ODAD3: variants seen among roughly 807,000 people sequenced by gnomAD.
ODAD3 encodes the protein outer dynein arm docking complex subunit 3, also known as outer dynein arm-docking complex subunit 3.
Under a neutral mutation model 70.9 loss-of-function variants are expected in ODAD3, and 57 were observed. That is an observed-to-expected ratio of 0.80 (90% CI 0.65 to 1.00). ODAD3 has a LOEUF of 1.00. ODAD3 is among the 50% of genes least tolerant of loss of function. The probability of loss-of-function intolerance (pLI) is 0.00; values close to 1 mark genes in which losing one functional copy is unlikely to be tolerated. For synonymous variants in ODAD3, 327 were observed against 315.9 expected (o/e 1.04, Z -0.37); for missense variants, 797 against 763.9 (o/e 1.04, Z -0.51).
chr19:11,429,699 C>A (rs1232601766), intron 3 of ODAD3, among the ~76,000 whole-genome samples: 5 of 152,156 alleles, frequency 3.3e-5, no homozygotes, highest in African/African-American at 1.2e-4. Flanking sequence ...TGAGCCACCG[C>A]GCCCGGCCTT....
At position 11,422,993 on chromosome 19, in the gene ODAD3, T is replaced by A; in HGVS notation, c.1117-132A>T. On this transcript the variant is annotated intron_variant, in intron 8 of 12. Transcript: ENST00000356392. This position sits in a 1 kb window ranked among gnomAD's most constrained non-coding sequence, Gnocchi z 4.6. ...AGCTGGCGCCTTTTGCACAGCAATG[T>A]ATGGGGACACTGTGGGTTGGACGCA... The A allele has an allele frequency of 2.1e-6, 2 of 970,054 alleles. No homozygotes were observed. Among genetic ancestry groups the A allele is most frequent in the South Asian group, 1.6e-5 (1 of 61,112 alleles). 60.1% of individuals were successfully genotyped at this position (970,054 alleles called of 1,614,324 possible).
At position 11,434,832 on chromosome 19, in the gene ODAD3, G is replaced by A. The variant is rs1252474315; in HGVS notation, c.185C>T (p.Ala62Val). ...CTGAGAGTGCACAGAGGGCTTCCCTGCACCTCTGTGGAAGGATCCTCCCTT... is the reference window on the plus strand; with the variant it reads ...CTGAGAGTGCACAGAGGGCTTCCCTACACCTCTGTGGAAGGATCCTCCCTT... Reference protein sequence around the residue: ...RSKGGSFHRGAGKPSVHSQVA... With the variant: ...RSKGGSFHRGVGKPSVHSQVA... Residue 62 changes from alanine to valine, a missense_variant, in exon 1 of 13, where the codon GCA becomes GTA. Physicochemically the swap from Ala to Val is moderately conservative, Grantham distance 64 (BLOSUM62 0). Coordinates refer to ENST00000356392, the MANE Select transcript of ODAD3 (RefSeq NM_145045.5). 6.2e-7 allele frequency: 1 copy of A among 1,614,162 alleles called. No homozygotes were observed. Among genetic ancestry groups the A allele is most frequent in the East Asian group, 2.2e-5 (1 of 44,872 alleles).
rs779680957 is a variant in ODAD3, at chr19:11,422,852, G to T, written c.1126C>A (p.Arg376=). ...GTGTCGCCCTGGGCCAGGAACCGCCGCACCAACGACTGCGGGCCACCCAGC... is the reference window on the plus strand; with the variant it reads ...GTGTCGCCCTGGGCCAGGAACCGCCTCACCAACGACTGCGGGCCACCCAGC... ...TGTDETHSLV[R]RFLAQGDTFA... The change falls in exon 9 of 13, where the codon CGG becomes AGG. Residue 376 remains arginine, a synonymous_variant. Transcript: ENST00000356392. This position sits in a 1 kb window ranked among gnomAD's most constrained non-coding sequence, Gnocchi z 4.6. 7 of 1,603,220 alleles carry T rather than the reference G, an allele frequency of 4.4e-6. No individual in the cohort carries two copies. Among genetic ancestry groups the T allele is most frequent in the African/African-American group, 1.3e-5 (1 of 74,946 alleles).
intron 7 of ODAD3, among the ~76,000 whole-genome samples, chr19:11,425,254 T>C (rs1007468857): frequency 2.8e-5 from 4 of 143,226 alleles, no homozygotes; most frequent in Non-Finnish European, 4.5e-5. Flanking sequence ...TATATATGTA[T>C]ATGTACATAT....
chr19:11,424,981 G>GTA (rs1267472005), intron 7 of ODAD3, among the ~76,000 whole-genome samples: 2 of 123,696 alleles, frequency 1.6e-5, no homozygotes, highest in Admixed American at 7.6e-5. Flanking sequence ...GTATATATGT[G>GTA]TATATGTACA....
At chr19:11,425,862 A>G (rs1969358696) in intron 7 of ODAD3, among the ~76,000 whole-genome samples, 1 of 150,692 alleles carries the variant, frequency 6.6e-6, no homozygotes, top group South Asian at 2.1e-4. Context: ...CAGGCAGTCT[A>G]GTCAGGTGGG....
chr19:11,425,768 C>A (rs1232495873), intron 7 of ODAD3, among the ~76,000 whole-genome samples: 1 of 149,436 alleles, frequency 6.7e-6, no homozygotes, highest in South Asian at 2.1e-4. Context: ...GAGGCAGCCT[C>A]AGGGCAGGTG....
chr19:11,427,050 G>C lies in ODAD3; in HGVS notation c.445-10C>G, dbSNP rs556883242. The C allele has an allele frequency of 6.4e-7, 1 of 1,565,942 alleles. No homozygotes were observed. The highest frequency in any genetic ancestry group is 1.1e-5 in the South Asian group (1 of 87,770). On this transcript the variant is annotated splice_polypyrimidine_tract_variant and intron_variant, in intron 3 of 12. Transcript: ENST00000356392. ...CTAGGTGCTCCAGGGCCTGCCGCAAGGAGGGGAGCGAAAGCAGGAGCCTCA... is the reference window on the plus strand; with the variant it reads ...CTAGGTGCTCCAGGGCCTGCCGCAACGAGGGGAGCGAAAGCAGGAGCCTCA...
intron 7 of ODAD3, among the ~76,000 whole-genome samples, chr19:11,425,703 A>C (rs1251688399): frequency 1.3e-5 from 2 of 150,294 alleles, no homozygotes; most frequent in African/African-American, 4.9e-5. Flanking sequence ...CAACTACAAC[A>C]ACAACAACCC....
At chr19:11,421,945 T>G (rs1969146015) in intron 10 of ODAD3, 113 bp from the exon 11 acceptor site, 1 of 1,208,598 alleles carries the variant, frequency 8.3e-7, no homozygotes, top group African/African-American at 1.5e-5. Context: ...AGGGCCCACC[T>G]GCAGGGTCGA....
upstream of ODAD3, chr19:11,435,296 G>A (rs1358913072): frequency 5.3e-6 from 5 of 945,080 alleles, no homozygotes; most frequent in East Asian, 3.2e-5. Context: ...GTAGAGCCGC[G>A]CCGCAGGACG....
At chr19:11,435,739 CA>C (rs1455335833), upstream of ODAD3, 6 of 1,350,324 alleles carry the variant, frequency 4.4e-6, no homozygotes, top group African/African-American at 8.8e-5. Flanking sequence ...GAGGGCACCT[CA>C]GTTTCTTACA....
intron 11 of ODAD3, 46 bp from the exon 12 acceptor site, chr19:11,421,258 G>A: frequency 6.4e-7 from 1 of 1,559,164 alleles, no homozygotes; most frequent in Non-Finnish European, 8.7e-7. Context: ...CGGGGCCAGG[G>A]GCCACCGAGA....
Position 11,426,259 on chromosome 19 carries a change from A to C in ODAD3, c.848T>G (p.Leu283Arg), listed in dbSNP as rs764598236. 3 of 1,613,788 alleles carry C rather than the reference A, an allele frequency of 1.9e-6. No individual in the cohort carries two copies. ...LNARDIAKNQ[L>R]QYLEETLVRE... ...AACCAAGGTCTCCTCTAGGTACTGC[A>C]GCTGGTTCTGGAGGGCGGGCAGGGT... The change falls in exon 7 of 13, where the codon CTG (leucine) becomes CGG (arginine). Residue 283 changes from leucine (L) to arginine (R), a missense_variant. Physicochemically the swap from Leu to Arg is moderately radical, Grantham distance 102. Transcript: ENST00000356392.
At chr19:11,425,591 A>ATGTGTATATATGTG (rs1163936579) in intron 7 of ODAD3, among the ~76,000 whole-genome samples, 1 of 140,926 alleles carries the variant, frequency 7.1e-6, no homozygotes, top group Non-Finnish European at 1.5e-5. Flanking sequence ...ATGTATGTAT[A>ATGTGTATATATGTG]TGTGTATATA....
rs1433603361 is a variant in ODAD3 at position 11,422,204 on chromosome 19, T to A, written c.1434+267A>T. ...TTTTCGGGGACAGGGTGGGACTTCT[T>A]TCCCTTGGAGGCGGAGCTTGAGACG... On this transcript the variant is annotated intron_variant, in intron 10 of 12. Transcript: ENST00000356392. This position sits in a 1 kb window ranked among gnomAD's most constrained non-coding sequence, Gnocchi z 4.6. Among the ~76,000 whole-genome samples the A allele has an allele frequency of 6.6e-6, 1 of 152,128 alleles. No individual in the cohort carries two copies. The highest frequency in any genetic ancestry group is 2.4e-5 in the African/African-American group (1 of 41,430).
intron 3 of ODAD3, among the ~76,000 whole-genome samples, chr19:11,427,896 C>T (rs1024240878): frequency 4.6e-5 from 7 of 151,786 alleles, no homozygotes; most frequent in South Asian, 2.1e-4. Flanking sequence ...GTCAGGACAT[C>T]GAGACCATCC....
chr19:11,422,389 G>A lies in ODAD3; in HGVS notation c.1434+82C>T. ...CAGGCCACGTTCCCTCGGGCAAGCT[G>A]GTGTGGCAGGAACCCCGCTTCGTGG... On this transcript the variant is annotated intron_variant, in intron 10 of 12. Coordinates refer to ENST00000356392, the MANE Select transcript of ODAD3 (RefSeq NM_145045.5). This position sits in a 1 kb window ranked among gnomAD's most constrained non-coding sequence, Gnocchi z 4.6. The A allele has an allele frequency of 1.4e-6, 2 of 1,438,600 alleles. No homozygotes were observed. The highest frequency in any genetic ancestry group is 1.8e-6 in the Non-Finnish European group (2 of 1,087,042). The allele number at this position is 1,438,600 out of a possible 1,614,324, so 89.1% of individuals were successfully genotyped here. A position where few individuals can be genotyped will look rare whatever the true frequency, so the allele number is the denominator to read the frequency against.
intron 8 of ODAD3, 144 bp from the exon 9 acceptor site, chr19:11,423,005 G>A (rs1206333456): frequency 1.0e-5 from 9 of 897,980 alleles, no homozygotes; most frequent in Non-Finnish European, 1.5e-5. Context: ...TGGGGACACT[G>A]TGGGTTGGAC....
Sources: allele counts gnomAD v4.1 joint callset (sites outside exome capture counted in the v4.1 genomes callset), GRCh38; gene constraint gnomAD v4.1.1; non-coding constraint Gnocchi (gnomAD v3.1); transcripts MANE v1.5; gene names NCBI Gene and HGNC (gene_info 2026-07-23, HGNC 2026-07-21).